Variants in SRRM2 observed in about 807,000 individuals in gnomAD.
SRRM2 encodes serine/arginine repetitive matrix protein 2.
SRRM2 carries 30 observed loss-of-function variants against 213.8 expected under a neutral mutation model. The ratio of observed to expected loss-of-function variants is 0.14; its 90% CI spans 0.10 to 0.19. SRRM2 has a LOEUF of 0.19. SRRM2 is among the 10% of genes least tolerant of loss of function. The pLI, the probability that SRRM2 is intolerant of heterozygous loss-of-function variation, is 1.00. For synonymous variants in SRRM2, 2,025 were observed against 1,377.7 expected (o/e 1.47, Z -10.40); for missense variants, 4,904 against 3,647.0 (o/e 1.34, Z -8.88).
At position 2,759,134 on chromosome 16, in the gene SRRM2, C is replaced by A. The variant is rs745499842; in HGVS notation, c.657-6C>A. The A allele has an allele frequency of 6.2e-7, 1 of 1,613,942 alleles. No individual in the cohort carries two copies. The highest frequency in any genetic ancestry group is 8.5e-7 in the Non-Finnish European group (1 of 1,179,990). On this transcript the variant is annotated splice_polypyrimidine_tract_variant and splice_region_variant and intron_variant, in intron 6 of 14. Transcript: ENST00000301740. Reference sequence around the variant, plus strand: ...CTTATGTTTTTTCTTCTCTTTTTTCCAACAGGTCAGAATCTGAGTCCAAGA... The same window carrying A: ...CTTATGTTTTTTCTTCTCTTTTTTCAAACAGGTCAGAATCTGAGTCCAAGA...
intron 8 of SRRM2, 61 bp downstream of exon 8, chr16:2,759,463 A>G: frequency 1.3e-6 from 2 of 1,596,524 alleles, no homozygotes; most frequent in Non-Finnish European, 1.7e-6. Context: ...AGTGGGAGGG[A>G]GTTGAATGAG....
At chr16:2,758,428 T>C in intron 4 of SRRM2, 42 bp from the exon 5 acceptor site, 1 of 1,488,900 alleles carries the variant, frequency 6.7e-7, no homozygotes, top group Non-Finnish European at 9.3e-7. Flanking sequence ...AAAGGAATGT[T>C]TGTTCTACCA....
Position 2,770,333 on chromosome 16 carries a change from GT to G in SRRM2, c.8022-18del. ...GCTTGAAAGGGTGTGGTGCTATTGG[GT>G]CCTACTGTGTTCCCCAGGTCCCGCA... On this transcript the variant is annotated intron_variant, in intron 12 of 14. Coordinates refer to ENST00000301740, the MANE Select transcript of SRRM2 (RefSeq NM_016333.4). 1 of 1,564,388 alleles carries G rather than the reference GT, an allele frequency of 6.4e-7. No individual in the cohort carries two copies. The highest frequency in any genetic ancestry group is 8.7e-7 in the Non-Finnish European group (1 of 1,153,878).
chr16:2,764,321 A>G lies in SRRM2; in HGVS notation c.3793A>G (p.Thr1265Ala), dbSNP rs1475473941. The G allele has an allele frequency of 4.3e-6, 7 of 1,614,210 alleles. No homozygotes were observed. Among genetic ancestry groups the G allele is most frequent in the South Asian group, 1.1e-5 (1 of 91,078 alleles). The change falls in exon 11 of 15, where the codon ACA becomes GCA. Residue 1265 changes from threonine (T) to alanine (A), a missense_variant. Physicochemically the swap from Thr to Ala is moderately conservative, Grantham distance 58. Coordinates refer to ENST00000301740, the MANE Select transcript of SRRM2 (RefSeq NM_016333.4). ...HLSSELKEMS[T>A]SNFESSPEVE... is the part of the protein sequence containing the mutation. ...GTCTTCAGAACTTAAAGAAATGTCC[A>G]CAAGTAACTTTGAATCATCTCCTGA...
At chr16:2,752,972 T>G (rs1206626456) in intron 1 of SRRM2, 126 bp downstream of exon 1, 2 of 153,066 alleles carry the variant, frequency 1.3e-5, no homozygotes, top group African/African-American at 4.9e-5. Flanking sequence ...TCGACGCCCT[T>G]CGCTGGCGCG....
chr16:2,758,361 ACT>A, intron 4 of SRRM2, 107 bp from the exon 5 acceptor site: 2 of 1,049,550 alleles, frequency 1.9e-6, no homozygotes, highest in South Asian at 2.8e-5. Flanking sequence ...ACAGAGCGAG[ACT>A]CTTATTTTTT....
intron 3 of SRRM2, 58 bp from the exon 4 acceptor site, chr16:2,757,723 T>A: frequency 1.9e-6 from 3 of 1,595,734 alleles, no homozygotes; most frequent in Non-Finnish European, 2.6e-6. Flanking sequence ...ATACTTGTGT[T>A]CTGAATATGG....
At position 2,757,568 on chromosome 16, in the gene SRRM2, G is replaced by A. The variant is rs2068189201; in HGVS notation, c.339G>A (p.Gly113=). ...VNPGGKEETP[G]QRPAVTETHQ... ...CTGGGGGCAAGGAGGAGACCCCAGGGCAGAGGCCAGCGTGAGTGTTGCGCT... is the reference window on the plus strand; with the variant it reads ...CTGGGGGCAAGGAGGAGACCCCAGGACAGAGGCCAGCGTGAGTGTTGCGCT... Residue 113 remains glycine, a synonymous_variant, in exon 3 of 15, where the codon GGG becomes GGA. Transcript: ENST00000301740. The A allele has an allele frequency of 2.5e-6, 4 of 1,613,682 alleles. No individual in the cohort carries two copies. The highest frequency in any genetic ancestry group is 2.5e-6 in the Non-Finnish European group (3 of 1,179,704).
Position 2,769,117 on chromosome 16 carries a change from TTCC to T in SRRM2, c.7875_7877del (p.Ser2648del), listed in dbSNP as rs531076704. 5.4e-3 allele frequency: 8,641 copies of T among 1,607,192 alleles called. 112 individuals carry two copies. Among genetic ancestry groups the T allele is most frequent in the African/African-American group, 7.9e-3 (591 of 74,762 alleles). On this transcript the variant is annotated inframe_deletion, in exon 12 of 15. Coordinates refer to ENST00000301740, the MANE Select transcript of SRRM2 (RefSeq NM_016333.4). ...CCAGTTCCAGCTCCTCCTCTTCATC[TTCC>T]TCCTCCTCCTCCTCCTCCTCTTCTT...
Position 2,759,225 on chromosome 16 carries a change from T to G in SRRM2, c.689+53T>G, listed in dbSNP as rs181779611. On this transcript the variant is annotated intron_variant, in intron 7 of 14. Coordinates refer to ENST00000301740, the MANE Select transcript of SRRM2 (RefSeq NM_016333.4). ...GCAGTGGCATGTGGAGTGGTGATTT[T>G]TTTTTCTTGGAGTGAAGCTCAATTC... is the stretch of plus-strand genomic sequence containing the variant. 4.3e-4 allele frequency: 686 copies of G among 1,606,344 alleles called. 2 individuals are homozygous for G. Among genetic ancestry groups the G allele is most frequent in the Middle Eastern group, 1.2e-3 (7 of 5,784 alleles).
Position 2,766,707 on chromosome 16 carries a change from G to T in SRRM2, c.6179G>T (p.Arg2060Leu). 1 of 1,614,154 alleles carries T rather than the reference G, an allele frequency of 6.2e-7. No homozygotes were observed. The highest frequency in any genetic ancestry group is 8.5e-7 in the Non-Finnish European group (1 of 1,180,034). ...CGCCGCTCCAGATCCCGTACTCCAC[G>T]AACAGCTCGGGGTAAACGGTCCTTA... ...IRRRSRSRTP[R>L]TARGKRSLTR... The change falls in exon 11 of 15, where the codon CGA becomes CTA. Residue 2060 changes from arginine (R) to leucine (L), a missense_variant. Transcript: ENST00000301740. This position sits in a 1 kb window ranked among gnomAD's most constrained non-coding sequence, Gnocchi z 7.0.
Position 2,767,926 on chromosome 16 carries a change from C to G in SRRM2, c.7398C>G (p.Thr2466=). The G allele has an allele frequency of 6.2e-7, 1 of 1,614,152 alleles. No individual in the cohort carries two copies. The highest frequency in any genetic ancestry group is 8.5e-7 in the Non-Finnish European group (1 of 1,180,024). The change falls in exon 11 of 15, where the codon ACC becomes ACG. Residue 2466 remains threonine (T), a synonymous_variant. Coordinates refer to ENST00000301740, the MANE Select transcript of SRRM2 (RefSeq NM_016333.4). ...SDQSRCLIAQ[T]TPVAGSQSLS... The stretch of plus-strand genomic sequence containing the variant: ...AATCCCGTTGTTTGATTGCCCAGAC[C>G]ACCCCTGTAGCAGGGTCTCAGTCCC...
In SRRM2 at chr16:2,766,356, G is replaced by T. The variant is rs760919344; in HGVS notation, c.5828G>T (p.Arg1943Leu). The T allele has an allele frequency of 6.2e-7, 1 of 1,613,982 alleles. No homozygotes were observed. The highest frequency in any genetic ancestry group is 2.2e-5 in the East Asian group (1 of 44,900). The change falls in exon 11 of 15, where the codon CGC becomes CTC. Residue 1943 changes from arginine (R) to leucine (L), a missense_variant. Transcript: ENST00000301740. The surrounding 1 kb of genome is among the most constrained non-coding windows in gnomAD (Gnocchi z 7.0). Reference sequence around the variant, plus strand: ...TCAAGGTCTAGAACGCCAACAACACGCCGCCGCTCCCGTTCTAGAACTCCA... The same window carrying T: ...TCAAGGTCTAGAACGCCAACAACACTCCGCCGCTCCCGTTCTAGAACTCCA... ...RRSRSRTPTT[R>L]RRSRSRTPPV...
chr16:2,754,177 C>G (rs148876154), intron 1 of SRRM2, among the ~76,000 whole-genome samples: 10 of 152,224 alleles, frequency 6.6e-5, no homozygotes, highest in African/African-American at 2.4e-4. Context: ...CTTAACACAC[C>G]CCTTAGATGC....
rs80166189 is a variant in SRRM2 at position 2,770,009 on chromosome 16, T to G, written c.8022-343T>G. ...ACCTTCGAGAAGACTGCCCTGCCCC[T>G]TCCCTGCCTTGCCCCATGTCCCCCT... On this transcript the variant is annotated intron_variant, in intron 12 of 14. Transcript: ENST00000301740. 1,309 of 593,484 alleles carry G rather than the reference T, an allele frequency of 2.2e-3. 14 individuals carry two copies. In the African/African-American group the frequency reaches 0.023, roughly 10 times the overall value. The allele number at this position is 593,484 out of a possible 1,614,324, so 36.8% of individuals were successfully genotyped here.
intron 10 of SRRM2, among the ~76,000 whole-genome samples, 175 bp from the exon 11 acceptor site, chr16:2,761,384 CAT>C (rs949620802): frequency 1.2e-4 from 19 of 152,288 alleles, no homozygotes; most frequent in Admixed American, 1.2e-3. Context: ...TCCATATATT[CAT>C]ATGTTTTCAC....
chr16:2,770,282 G>A (rs756983342), intron 12 of SRRM2, 70 bp from the exon 13 acceptor site: 17 of 1,489,632 alleles, frequency 1.1e-5, no homozygotes, highest in Admixed American at 4.5e-5. Flanking sequence ...GGACCTGGGC[G>A]GGTGGTCCTG....
rs374574869 is a variant in SRRM2 at position 2,768,180 on chromosome 16, C to T, written c.7652C>T (p.Ser2551Leu). Residue 2551 changes from serine to leucine, a missense_variant, in exon 11 of 15, where the codon TCG becomes TTG. Coordinates refer to ENST00000301740, the MANE Select transcript of SRRM2 (RefSeq NM_016333.4). ...TCCTCTTCTTCATCATCGTCGTCGT[C>T]GTCCTCCTCCTCCTCTGGCTCCAGT... Reference protein sequence around the residue: ...SSSSSSSSSSSSSSSSGSSSS... With the variant: ...SSSSSSSSSSLSSSSSGSSSS... The T allele has an allele frequency of 9.1e-5, 146 of 1,611,750 alleles. No homozygotes were observed. Among genetic ancestry groups the T allele is most frequent in the Non-Finnish European group, 1.2e-4 (142 of 1,178,610 alleles).
rs748146701 is a variant in SRRM2, at chr16:2,763,646, A to G, written c.3118A>G (p.Lys1040Glu). The G allele has an allele frequency of 3.1e-6, 5 of 1,614,016 alleles. No homozygotes were observed. Among genetic ancestry groups the G allele is most frequent in the African/African-American group, 1.3e-5 (1 of 74,910 alleles). The change falls in exon 11 of 15, where the codon AAA becomes GAA. Residue 1040 changes from lysine (K) to glutamate (E), a missense_variant. Physicochemically the swap from Lys to Glu is moderately conservative, Grantham distance 56. Transcript: ENST00000301740. ...ATCCCTCTCTCTCTGTGCAGGAGTAAAATCTAGCACACCACCAGGCGAGAG... is the reference window on the plus strand; with the variant it reads ...ATCCCTCTCTCTCTGTGCAGGAGTAGAATCTAGCACACCACCAGGCGAGAG... ...PGSLSLCAGV[K>E]SSTPPGESYF...
Sources: gnomAD v4.1 joint callset for allele counts (sites outside exome capture counted in the v4.1 genomes callset) on GRCh38, gnomAD v4.1.1 for gene constraint, Gnocchi (gnomAD v3.1) non-coding constraint, MANE v1.5 for transcripts, NCBI Gene and HGNC (gene_info 2026-07-23, HGNC 2026-07-21) for gene names.